MTF2: variants seen among roughly 807,000 people sequenced by gnomAD.
The protein encoded by MTF2 is metal-response element-binding transcription factor 2.
MTF2 carries 11 observed loss-of-function variants against 79.5 expected under a neutral mutation model. That is an observed-to-expected ratio of 0.14 (90% CI 0.09 to 0.23). The LOEUF (loss-of-function observed/expected upper bound fraction) is 0.23, where lower values mean the gene tolerates loss of function less well. Ranked by LOEUF, MTF2 falls within the 10% of genes least tolerant of loss-of-function variation. MTF2 has a pLI of 1.00. For missense variants in MTF2, 486 were observed against 711.2 expected (o/e 0.68, Z 3.60); for synonymous variants, 208 against 232.8 (o/e 0.89, Z 0.97).
intron 9 of MTF2, among the ~76,000 whole-genome samples, chr1:93,122,585 G>A (rs1306731853): frequency 6.6e-6 from 1 of 152,046 alleles, no homozygotes; most frequent in African/African-American, 2.4e-5. Context: ...TTTTATTTCT[G>A]TAGCCTATGA....
chr1:93,125,026 A>G (rs1454135546), intron 9 of MTF2, among the ~76,000 whole-genome samples: 1 of 152,004 alleles, frequency 6.6e-6, no homozygotes, highest in African/African-American at 2.4e-5. Context: ...CAGAGTAGTC[A>G]TGGAGTGCTG....
intron 1 of MTF2, among the ~76,000 whole-genome samples, chr1:93,083,204 A>G (rs1654679867): frequency 6.6e-6 from 1 of 152,144 alleles, no homozygotes; most frequent in South Asian, 2.1e-4. Flanking sequence ...CATGCTTTTA[A>G]ACAACCAGAG....
chr1:93,082,752 ATT>A (rs538567535), intron 1 of MTF2, among the ~76,000 whole-genome samples: 7 of 152,024 alleles, frequency 4.6e-5, no homozygotes, highest in African/African-American at 4.8e-5. Flanking sequence ...CAGTTCAGTG[ATT>A]TTTTTTAGTA....
intron 1 of MTF2, among the ~76,000 whole-genome samples, chr1:93,090,733 G>A (rs1655042010): frequency 6.7e-6 from 1 of 148,476 alleles, no homozygotes; most frequent in Admixed American, 6.8e-5. Flanking sequence ...GCACGATCTC[G>A]GCTCACTGCA....
intron 9 of MTF2, among the ~76,000 whole-genome samples, chr1:93,123,726 C>A (rs1034332086): frequency 6.7e-6 from 1 of 150,230 alleles, no homozygotes; most frequent in South Asian, 2.1e-4. Flanking sequence ...TGTAATCTTA[C>A]ATTGAATCAG....
At chr1:93,104,158 T>G (rs1257894329) in intron 1 of MTF2, among the ~76,000 whole-genome samples, 2 of 149,734 alleles carry the variant, frequency 1.3e-5, no homozygotes, top group African/African-American at 4.9e-5. Flanking sequence ...CAGGCTGGTC[T>G]CAAATTCCTA....
intron 11 of MTF2, among the ~76,000 whole-genome samples, chr1:93,131,341 T>A (rs1163705762): frequency 6.6e-6 from 1 of 152,196 alleles, no homozygotes; most frequent in Non-Finnish European, 1.5e-5. Context: ...GAAAAATATT[T>A]ATTGCATAAG....
At position 93,133,768 on chromosome 1, in the gene MTF2, A is replaced by G. The variant is rs146904489; in HGVS notation, c.1226A>G (p.Tyr409Cys). Residue 409 changes from tyrosine (Y) to cysteine (C), a missense_variant, in exon 12 of 15, where the codon TAT (tyrosine) becomes TGT (cysteine). Tyr to Cys is a radical substitution (Grantham distance 194). Transcript: ENST00000370298. ...KKSVGRPPGPYTRKMIQKTAE... is the reference protein window; with the variant it reads ...KKSVGRPPGPCTRKMIQKTAE... ...TCTGTAGGTCGTCCACCTGGCCCAT[A>G]TACAAGAAAAATGATTCAAAAAACT... 64 of 1,612,604 alleles carry G rather than the reference A, an allele frequency of 4.0e-5. 1 individual carries two copies. The highest frequency in any genetic ancestry group is 3.7e-4 in the South Asian group (34 of 90,872).
chr1:93,113,697 T>C (rs1169756741), intron 3 of MTF2, among the ~76,000 whole-genome samples: 2 of 152,162 alleles, frequency 1.3e-5, no homozygotes, highest in Non-Finnish European at 2.9e-5. Context: ...GGAGAGAACA[T>C]GGATTTTGGC....
At chr1:93,079,636 T>TG in intron 1 of MTF2, 105 bp downstream of exon 1, 1 of 1,123,068 alleles carries the variant, frequency 8.9e-7, no homozygotes, top group Non-Finnish European at 1.2e-6. Context: ...AGGACCAAGG[T>TG]GGGGGTGGGG....
At chr1:93,115,388 G>C in intron 5 of MTF2, 82 bp from the exon 6 acceptor site, 1 of 1,123,316 alleles carries the variant, frequency 8.9e-7, no homozygotes, top group Non-Finnish European at 1.2e-6. Flanking sequence ...TTCTCCAGAA[G>C]TGTCAGAGTC....
At chr1:93,128,471 C>T (rs771675515) in intron 10 of MTF2, among the ~76,000 whole-genome samples, 30 of 150,298 alleles carry the variant, frequency 2.0e-4, no homozygotes, top group Admixed American at 3.3e-4. Flanking sequence ...GCAGGAGAAT[C>T]GCTTGAACCC....
rs1025825269 is a variant in MTF2 at position 93,104,406 on chromosome 1, C to T, written c.6-5824C>T. ...CATTAGATTAAAAATGTACCCCGGG[C>T]GCTGTGGCTCAGGCCTGTAATCCCA... On this transcript the variant is annotated intron_variant, in intron 1 of 14. Coordinates refer to ENST00000370298, the MANE Select transcript of MTF2 (RefSeq NM_007358.4). Among the ~76,000 whole-genome samples, 6 of 151,912 alleles carry T rather than the reference C, an allele frequency of 3.9e-5. No homozygotes were observed. In the South Asian group the frequency reaches 6.2e-4, roughly 16 times the overall value.
intron 1 of MTF2, among the ~76,000 whole-genome samples, chr1:93,082,215 T>A (rs1248427122): frequency 1.3e-5 from 2 of 152,050 alleles, no homozygotes; most frequent in Non-Finnish European, 2.9e-5. Context: ...ACTTAAGGAA[T>A]ATTTCAAACA....
chr1:93,096,662 G>C (rs936838839), intron 1 of MTF2, among the ~76,000 whole-genome samples: 2 of 150,778 alleles, frequency 1.3e-5, no homozygotes, highest in Admixed American at 6.6e-5. Flanking sequence ...ATTTCGAGAC[G>C]TATCTCTCCA....
Position 93,119,417 on chromosome 1 carries a change from T to A in MTF2, c.797+16T>A, listed in dbSNP as rs200335000. 2,727 of 1,555,734 alleles carry A rather than the reference T, an allele frequency of 1.8e-3. 8 individuals are homozygous for A. Among genetic ancestry groups the A allele is most frequent in the Non-Finnish European group, 2.2e-3 (2,480 of 1,153,068 alleles). On this transcript the variant is annotated intron_variant, in intron 8 of 14. Coordinates refer to ENST00000370298, the MANE Select transcript of MTF2 (RefSeq NM_007358.4). Reference sequence around the variant, plus strand: ...CATTACAGTGGTAAGTGTGGACCTTTCTGTTAAAAGAAAGAAAAGCCATTT... The same window carrying A: ...CATTACAGTGGTAAGTGTGGACCTTACTGTTAAAAGAAAGAAAAGCCATTT...
chr1:93,103,833 T>G (rs2101045927), intron 1 of MTF2, among the ~76,000 whole-genome samples: 1 of 152,360 alleles, frequency 6.6e-6, no homozygotes, highest in South Asian at 2.1e-4. Flanking sequence ...TTTATCCTAC[T>G]TACGTTTGAG....
At chr1:93,099,315 A>G (rs367816111) in intron 1 of MTF2, among the ~76,000 whole-genome samples, 52 of 152,334 alleles carry the variant, frequency 3.4e-4, no homozygotes, top group African/African-American at 1.1e-3. Context: ...AAATAAACAG[A>G]AAAACAAATG....
At chr1:93,087,309 C>T (rs539786041) in intron 1 of MTF2, among the ~76,000 whole-genome samples, 18 of 152,232 alleles carry the variant, frequency 1.2e-4, no homozygotes, top group African/African-American at 2.6e-4. Flanking sequence ...TGGTGGCTCA[C>T]GCCTGTAATC....
Sources: allele counts gnomAD v4.1 joint callset (sites outside exome capture counted in the v4.1 genomes callset), GRCh38; gene constraint gnomAD v4.1.1; transcripts MANE v1.5; gene names NCBI Gene and HGNC (gene_info 2026-07-23, HGNC 2026-07-21).